The following MED12L variants were observed in gnomAD, a reference collection of about 807,000 sequenced individuals.
MED12L encodes the protein mediator complex subunit 12L, also known as mediator of RNA polymerase II transcription subunit 12-like protein.
MED12L carries 60 observed loss-of-function variants against 281.3 expected under a neutral mutation model. That is an observed-to-expected ratio of 0.21 (90% CI 0.17 to 0.26). MED12L has a LOEUF of 0.26. MED12L is among the 10% of genes least tolerant of loss of function. The probability of loss-of-function intolerance (pLI) is 1.00; values close to 1 mark genes in which losing one functional copy is unlikely to be tolerated. For synonymous variants in MED12L, 974 were observed against 987.2 expected (o/e 0.99, Z 0.25); for missense variants, 2,146 against 2,680.9 (o/e 0.80, Z 4.41).
At chr3:151,143,943 C>T (rs188205024) in intron 5 of MED12L, among the ~76,000 whole-genome samples, 1 of 152,318 alleles carries the variant, frequency 6.6e-6, no homozygotes, top group East Asian at 1.9e-4. Flanking sequence ...GAATATTTCA[C>T]CAAAGCCAAG....
chr3:151,151,900 A>C (rs896223759), intron 5 of MED12L, among the ~76,000 whole-genome samples: 1 of 152,154 alleles, frequency 6.6e-6, no homozygotes, highest in African/African-American at 2.4e-5. Flanking sequence ...AAGCCCAGTA[A>C]GGCAAAGTGC....
chr3:151,436,408 C>T lies in MED12L; in HGVS notation c.*3604C>T, dbSNP rs878996934. The T allele has an allele frequency of 5.4e-5, 14 of 257,442 alleles. No homozygotes were observed. The highest frequency in any genetic ancestry group is 2.9e-4 in the South Asian group (4 of 13,880). The allele number at this position is 257,442 out of a possible 1,614,324, so 15.9% of individuals were successfully genotyped here. A position where few individuals can be genotyped will look rare whatever the true frequency, so the allele number is the denominator to read the frequency against. On this transcript the variant is annotated 3_prime_UTR_variant, in exon 45 of 45. Transcript: ENST00000687756. ...TACTGAAAAATTCAGGTACATTAGC[C>T]ATTTGTTATTTTATAGTGAACCGTT...
chr3:151,140,194 C>T (rs907748154), intron 5 of MED12L, among the ~76,000 whole-genome samples: 3 of 152,080 alleles, frequency 2.0e-5, no homozygotes, highest in African/African-American at 7.2e-5. Flanking sequence ...AATATTTTTC[C>T]AGGTATGTAG....
intron 16 of MED12L, among the ~76,000 whole-genome samples, chr3:151,247,014 A>G (rs896190938): frequency 6.6e-6 from 1 of 151,540 alleles, no homozygotes; most frequent in African/African-American, 2.4e-5. Flanking sequence ...AAAACACATG[A>G]AAAAATCCTC....
At chr3:151,404,180 A>C (rs192797264) in intron 39 of MED12L, among the ~76,000 whole-genome samples, 1 of 152,340 alleles carries the variant, frequency 6.6e-6, no homozygotes, top group East Asian at 1.9e-4. Context: ...AATTCAAAGT[A>C]ATGAAAATGT....
At chr3:151,219,171 T>C (rs573870419) in intron 16 of MED12L, among the ~76,000 whole-genome samples, 1 of 152,334 alleles carries the variant, frequency 6.6e-6, no homozygotes, top group East Asian at 1.9e-4. Flanking sequence ...GTGAGTGCAC[T>C]TGTCCCTTAG....
At chr3:151,334,196 C>CTTTTCTTTTTTTTTTTTTTT (rs1750690819) in intron 16 of MED12L, among the ~76,000 whole-genome samples, 1 of 118,230 alleles carries the variant, frequency 8.5e-6, no homozygotes, top group Non-Finnish European at 1.7e-5. Context: ...TTCTTTCTTT[C>CTTTTCTTTTTTTTTTTTTTT]TTTTTTTTTT....
chr3:151,229,959 C>T (rs1731306335), intron 16 of MED12L, among the ~76,000 whole-genome samples: 1 of 151,828 alleles, frequency 6.6e-6, no homozygotes, highest in Non-Finnish European at 1.5e-5. Context: ...ATGTTGGGAT[C>T]TGTTTTTTTG....
chr3:151,224,431 C>G (rs1258020435), intron 16 of MED12L, among the ~76,000 whole-genome samples: 6 of 151,294 alleles, frequency 4.0e-5, no homozygotes, highest in African/African-American at 1.5e-4. Flanking sequence ...ATCTCTCATG[C>G]CTTAATGTTT....
At chr3:151,109,402 T>C (rs1403480760) in intron 2 of MED12L, among the ~76,000 whole-genome samples, 1 of 152,210 alleles carries the variant, frequency 6.6e-6, no homozygotes, top group Non-Finnish European at 1.5e-5. Flanking sequence ...ACACAGGCCT[T>C]ACATATTAGC....
chr3:151,170,310 C>T (rs1466775879), intron 11 of MED12L, among the ~76,000 whole-genome samples: 1 of 143,588 alleles, frequency 7.0e-6, no homozygotes, highest in Admixed American at 7.3e-5. Flanking sequence ...GAGTCTTGCT[C>T]TGTCACCTAG....
intron 38 of MED12L, among the ~76,000 whole-genome samples, chr3:151,391,834 C>A (rs143812271): frequency 1.3e-5 from 2 of 152,290 alleles, no homozygotes; most frequent in East Asian, 3.9e-4. Flanking sequence ...TTAGAGGAAC[C>A]TCTGGCTTTA....
At chr3:151,149,457 T>C (rs1718168944) in intron 5 of MED12L, among the ~76,000 whole-genome samples, 2 of 152,174 alleles carry the variant, frequency 1.3e-5, no homozygotes, top group South Asian at 4.1e-4. Flanking sequence ...TAAGGAATAC[T>C]TCATCCCTAA....
intron 16 of MED12L, among the ~76,000 whole-genome samples, chr3:151,260,551 A>G (rs1012057236): frequency 5.3e-5 from 8 of 152,068 alleles, no homozygotes; most frequent in African/African-American, 9.7e-5. Flanking sequence ...GGGTCTCACA[A>G]TGTTGCCGTG....
chr3:151,121,557 T>G (rs1713762186), intron 3 of MED12L, among the ~76,000 whole-genome samples: 1 of 152,172 alleles, frequency 6.6e-6, no homozygotes, highest in African/African-American at 2.4e-5. Context: ...TTTATTTTAG[T>G]CATGGTTGCC....
At chr3:151,226,653 A>C (rs545225295) in intron 16 of MED12L, among the ~76,000 whole-genome samples, 1 of 151,846 alleles carries the variant, frequency 6.6e-6, no homozygotes, top group South Asian at 2.1e-4. Flanking sequence ...TGTATGTTTG[A>C]GAGTATATAT....
At chr3:151,142,467 TGTG>T (rs1560089116) in intron 5 of MED12L, among the ~76,000 whole-genome samples, 1 of 152,212 alleles carries the variant, frequency 6.6e-6, no homozygotes, top group Non-Finnish European at 1.5e-5. Context: ...TATTACAAAA[TGTG>T]GTCCAAAACA....
At chr3:151,102,518 C>G (rs1002665711) in intron 2 of MED12L, among the ~76,000 whole-genome samples, 1 of 152,154 alleles carries the variant, frequency 6.6e-6, no homozygotes, top group Non-Finnish European at 1.5e-5. Flanking sequence ...CCCCTCTTTT[C>G]CAAGCCAGAA....
chr3:151,320,330 T>C (rs1425160760), intron 16 of MED12L, among the ~76,000 whole-genome samples: 1 of 152,192 alleles, frequency 6.6e-6, no homozygotes, highest in Non-Finnish European at 1.5e-5. Flanking sequence ...AATTGCAACA[T>C]AGCTCAAGGT....
Sources: allele counts gnomAD v4.1 joint callset (sites outside exome capture counted in the v4.1 genomes callset), GRCh38; gene constraint gnomAD v4.1.1; transcripts MANE v1.5; gene names NCBI Gene and HGNC (gene_info 2026-07-23, HGNC 2026-07-21).